ISM1: variants seen among roughly 807,000 people sequenced by gnomAD.
The protein encoded by ISM1 is isthmin-1.
Under a neutral mutation model 46.3 loss-of-function variants are expected in ISM1, and 25 were observed. The ratio of observed to expected loss-of-function variants is 0.54; its 90% CI spans 0.39 to 0.75. ISM1 has a LOEUF of 0.75. Ranked by LOEUF, ISM1 falls within the 30% of genes least tolerant of loss-of-function variation. The pLI is 0.00. For missense variants in ISM1, 536 were observed against 625.4 expected (o/e 0.86, Z 1.52); for synonymous variants, 255 against 256.7 (o/e 0.99, Z 0.06).
chr20:13,252,125 C>G (rs946033143), intron 1 of ISM1, among the ~76,000 whole-genome samples: 1 of 152,120 alleles, frequency 6.6e-6, no homozygotes, highest in Non-Finnish European at 1.5e-5. Context: ...GTCTACGGAG[C>G]CTTAAGACAC....
At chr20:13,296,507 G>C (rs1409484269) in intron 5 of ISM1, among the ~76,000 whole-genome samples, 4 of 152,220 alleles carry the variant, frequency 2.6e-5, no homozygotes, top group Non-Finnish European at 5.9e-5. Flanking sequence ...AGCATCTCAA[G>C]GTTAGGCAAG....
At chr20:13,283,299 A>T (rs2040257216) in intron 3 of ISM1, among the ~76,000 whole-genome samples, 1 of 152,180 alleles carries the variant, frequency 6.6e-6, no homozygotes, top group Non-Finnish European at 1.5e-5. Context: ...TCACCCAGGA[A>T]GGAGAGGTTC....
At chr20:13,264,086 C>A (rs6078968) in intron 1 of ISM1, among the ~76,000 whole-genome samples, 16,724 of 152,156 alleles carry the variant, frequency 0.11, 980 homozygotes, top group African/African-American at 0.12. Context: ...CTTTAGCCAT[C>A]ATTATCATCA....
At chr20:13,228,770 G>A (rs2039557002) in intron 1 of ISM1, among the ~76,000 whole-genome samples, 1 of 152,118 alleles carries the variant, frequency 6.6e-6, no homozygotes, top group Non-Finnish European at 1.5e-5. Flanking sequence ...ACTCCTGTTA[G>A]AGATTGAAAC....
the ISM1 span, among the ~76,000 whole-genome samples, chr20:13,309,810 C>CA: frequency 6.6e-5 from 10 of 151,112 alleles, no homozygotes; most frequent in Admixed American, 3.3e-4. Flanking sequence ...AAAAACTATC[C>CA]AAAAAAGAAA....
At chr20:13,252,820 A>C (rs1036070457) in intron 1 of ISM1, among the ~76,000 whole-genome samples, 1 of 151,908 alleles carries the variant, frequency 6.6e-6, no homozygotes, top group Non-Finnish European at 1.5e-5. Flanking sequence ...GGGCAACTGA[A>C]GGAAACTGTT....
At chr20:13,289,378 C>T (rs1012763353) in intron 4 of ISM1, among the ~76,000 whole-genome samples, 1 of 152,154 alleles carries the variant, frequency 6.6e-6, no homozygotes, top group Non-Finnish European at 1.5e-5. Flanking sequence ...CAGAGAGTTG[C>T]CAAAGGCTCC....
rs575237065 is a variant in ISM1, at chr20:13,237,575, C to T, written c.138+15661C>T. 3.9e-5 allele frequency among the ~76,000 whole-genome samples: 6 copies of T among 152,144 alleles called. No homozygotes were observed. In the South Asian group the frequency reaches 1.2e-3, roughly 32 times the overall value. On this transcript the variant is annotated intron_variant, in intron 1 of 5. Transcript: ENST00000262487. ...TCAGGGAAGTGATGAAAAGGGAGTC[C>T]AAGGAGGGCAGCTAGGGTGCTGGTA...
chr20:13,237,424 A>G (rs537797253), intron 1 of ISM1, among the ~76,000 whole-genome samples: 3 of 152,364 alleles, frequency 2.0e-5, no homozygotes, highest in East Asian at 3.9e-4. Context: ...AACATGCACA[A>G]TTTCACAAAT....
At chr20:13,308,082 C>T in the ISM1 span, among the ~76,000 whole-genome samples, 1 of 152,216 alleles carries the variant, frequency 6.6e-6, no homozygotes, top group Non-Finnish European at 1.5e-5. Flanking sequence ...TCACCCCCTT[C>T]ACTGTCTTTC....
At chr20:13,258,134 G>A (rs114108268) in intron 1 of ISM1, among the ~76,000 whole-genome samples, 1,551 of 152,076 alleles carry the variant, frequency 0.01, 26 homozygotes, top group African/African-American at 0.035. Flanking sequence ...CAAACATTCC[G>A]TTTACCTCTC....
chr20:13,298,296 G>A (rs1003109936), intron 5 of ISM1, among the ~76,000 whole-genome samples: 6 of 152,068 alleles, frequency 3.9e-5, no homozygotes, highest in Non-Finnish European at 5.9e-5. Context: ...TAGTAGAGAC[G>A]GGGTTTCACC....
At chr20:13,298,844 G>C (rs938685553) in intron 5 of ISM1, 98 bp from the exon 6 acceptor site, 28 of 1,225,414 alleles carry the variant, frequency 2.3e-5, no homozygotes, top group Non-Finnish European at 3.0e-5. Flanking sequence ...GTCCTCCTGC[G>C]GGCCCTCAGG....
downstream of ISM1, among the ~76,000 whole-genome samples, chr20:13,302,614 T>C (rs891444676): frequency 1.1e-4 from 17 of 152,180 alleles, no homozygotes; most frequent in African/African-American, 3.9e-4. Flanking sequence ...CAAGGCCACT[T>C]CCACAGAAAA....
At chr20:13,256,800 G>C (rs1286119410) in intron 1 of ISM1, among the ~76,000 whole-genome samples, 1 of 152,160 alleles carries the variant, frequency 6.6e-6, no homozygotes, top group Non-Finnish European at 1.5e-5. Context: ...CTGTACAATG[G>C]GGGTGATGAT....
At chr20:13,311,152 C>T in the ISM1 span, among the ~76,000 whole-genome samples, 1 of 151,948 alleles carries the variant, frequency 6.6e-6, no homozygotes. Context: ...TGAGATCATG[C>T]CATTGCACTC....
chr20:13,311,490 T>C, the ISM1 span, among the ~76,000 whole-genome samples: 2 of 152,230 alleles, frequency 1.3e-5, no homozygotes, highest in Non-Finnish European at 2.9e-5. Flanking sequence ...CATCTTCATG[T>C]TCATTGCATG....
the ISM1 span, among the ~76,000 whole-genome samples, chr20:13,325,272 G>A: frequency 8.5e-5 from 13 of 152,182 alleles, no homozygotes; most frequent in African/African-American, 2.7e-4. Context: ...GAGGTCTCAG[G>A]TCTCTTCTGA....
chr20:13,264,555 C>A (rs1023366224), intron 1 of ISM1, among the ~76,000 whole-genome samples: 11 of 152,218 alleles, frequency 7.2e-5, no homozygotes, highest in Admixed American at 2.6e-4. Context: ...ACCTCACTCC[C>A]TCTCTTTTGT....
Sources: allele counts gnomAD v4.1 joint callset (sites outside exome capture counted in the v4.1 genomes callset), GRCh38; gene constraint gnomAD v4.1.1; transcripts MANE v1.5; gene names NCBI Gene and HGNC (gene_info 2026-07-23, HGNC 2026-07-21).